Variants in SUSD3 observed in about 807,000 individuals in gnomAD.
SUSD3 encodes sushi domain containing 3, also known as sushi domain-containing protein 3.
Under a neutral mutation model 20.6 loss-of-function variants are expected in SUSD3, and 18 were observed. The ratio of observed to expected loss-of-function variants is 0.87; its 90% confidence interval spans 0.60 to 1.30. SUSD3 has a LOEUF of 1.30. SUSD3 is among the 50% of genes most tolerant of loss of function. SUSD3 has a pLI of 0.00. For synonymous variants in SUSD3, 137 were observed against 141.5 expected (o/e 0.97, Z 0.23); for missense variants, 306 against 346.9 (o/e 0.88, Z 0.94).
At chr9:93,073,500 G>A (rs368427662) in intron 1 of SUSD3, among the ~76,000 whole-genome samples, 12,863 of 152,032 alleles carry the variant, frequency 0.085, 562 homozygotes, top group South Asian at 0.11. Flanking sequence ...CGCCCGCCTC[G>A]GCCTCCCAAA....
At chr9:93,067,634 C>T (rs1048231047) in intron 1 of SUSD3, among the ~76,000 whole-genome samples, 1 of 149,380 alleles carries the variant, frequency 6.7e-6, no homozygotes, top group Non-Finnish European at 1.5e-5. Flanking sequence ...AAGTCTTGCT[C>T]TGTCCCAGGC....
intron 4 of SUSD3, among the ~76,000 whole-genome samples, chr9:93,080,788 A>T (rs928536586): frequency 1.3e-5 from 2 of 152,236 alleles, no homozygotes; most frequent in Admixed American, 6.5e-5. Flanking sequence ...TGCCTTGGGC[A>T]TTACAGAATG....
At chr9:93,066,174 A>G (rs1309099465) in intron 1 of SUSD3, among the ~76,000 whole-genome samples, 2 of 152,114 alleles carry the variant, frequency 1.3e-5, no homozygotes, top group African/African-American at 4.8e-5. Context: ...AGCCTCCTCA[A>G]TCTGAAGGGC....
chr9:93,067,789 A>T (rs920437137), intron 1 of SUSD3, among the ~76,000 whole-genome samples: 4 of 151,924 alleles, frequency 2.6e-5, no homozygotes, highest in Admixed American at 2.6e-4. Flanking sequence ...GTCGAGACAG[A>T]GTTTCACCCT....
At chr9:93,077,789 G>A in intron 2 of SUSD3, 57 bp from the exon 3 acceptor site, 2 of 1,606,618 alleles carry the variant, frequency 1.2e-6, no homozygotes, top group South Asian at 1.1e-5. Flanking sequence ...CCCAACCCCT[G>A]GGCCAAGCAA....
chr9:93,070,149 AG>A (rs1322061927), intron 1 of SUSD3, among the ~76,000 whole-genome samples: 3 of 152,194 alleles, frequency 2.0e-5, no homozygotes, highest in African/African-American at 7.2e-5. Flanking sequence ...TTAATATATA[AG>A]TGCTGTTTAT....
chr9:93,075,736 G>GTCCCCCCCCCCCCCCCCCCC, intron 1 of SUSD3, 48 bp from the exon 2 acceptor site: 1 of 272,216 alleles, frequency 3.7e-6, no homozygotes, highest in Non-Finnish European at 6.2e-6. Flanking sequence ...TGCCCTGCGT[G>GTCCCCCCCCCCCCCCCCCCC]CCCACCCCCC....
intron 1 of SUSD3, among the ~76,000 whole-genome samples, chr9:93,073,576 A>G (rs1826000093): frequency 6.6e-6 from 1 of 152,156 alleles, no homozygotes; most frequent in Admixed American, 6.5e-5. Flanking sequence ...GTGATGCACC[A>G]GCGGTCCACT....
chr9:93,083,362 C>A (rs1178807817), intron 4 of SUSD3, among the ~76,000 whole-genome samples: 2 of 152,238 alleles, frequency 1.3e-5, no homozygotes, highest in African/African-American at 4.8e-5. Flanking sequence ...GGGCCCCGGG[C>A]TCCCAGGCAG....
rs374968966 is a variant in SUSD3 at position 93,079,429 on chromosome 9, C to T, written c.426-42C>T. On this transcript the variant is annotated intron_variant, in intron 3 of 4. Coordinates refer to ENST00000375472, the MANE Select transcript of SUSD3 (RefSeq NM_145006.4). ...CCTGTTTCCACCACCGTCAGGGATA[C>T]ACCTGCATGCTCAGAGTCCTTCCTC... The T allele has an allele frequency of 5.0e-6, 8 of 1,607,740 alleles. No individual in the cohort carries two copies. In the African/African-American group the frequency reaches 8.0e-5, roughly 16 times the overall value.
chr9:93,060,059 A>G (rs1825446321), intron 1 of SUSD3, among the ~76,000 whole-genome samples: 1 of 152,248 alleles, frequency 6.6e-6, no homozygotes, highest in South Asian at 2.1e-4. Context: ...CCCTTTGGAT[A>G]GCCTTGACTT....
chr9:93,079,613 G>C lies in SUSD3; in HGVS notation c.557+11G>C. ...CCACAGCTTCACCACGTGAGCCCGG[G>C]TCTGGGTAGGGGACATGCTGGGGGA... On this transcript the variant is annotated intron_variant, in intron 4 of 4. Transcript: ENST00000375472. 6.2e-7 allele frequency: 1 copy of C among 1,613,186 alleles called. No homozygotes were observed. Among genetic ancestry groups the C allele is most frequent in the Non-Finnish European group, 8.5e-7 (1 of 1,179,806 alleles).
chr9:93,080,614 C>T (rs1449229491), intron 4 of SUSD3, among the ~76,000 whole-genome samples: 1 of 152,192 alleles, frequency 6.6e-6, no homozygotes, highest in Non-Finnish European at 1.5e-5. Context: ...GCCAGGCTGC[C>T]CCCACGGGCC....
intron 1 of SUSD3, among the ~76,000 whole-genome samples, chr9:93,074,407 G>A (rs1338957389): frequency 1.4e-5 from 2 of 144,640 alleles, no homozygotes; most frequent in South Asian, 2.2e-4. Context: ...ACTCCAGCCT[G>A]GGCGACAGGG....
chr9:93,067,336 T>A (rs1825754439), intron 1 of SUSD3, among the ~76,000 whole-genome samples: 1 of 152,236 alleles, frequency 6.6e-6, no homozygotes, highest in African/African-American at 2.4e-5. Flanking sequence ...TTGACAGACA[T>A]TTAGGTGTTT....
chr9:93,076,058 C>T (rs1447047159), intron 2 of SUSD3, 86 bp downstream of exon 2: 10 of 1,214,222 alleles, frequency 8.2e-6, no homozygotes, highest in African/African-American at 7.6e-5. Flanking sequence ...GTGGGGATGG[C>T]GTGGGTGTCT....
intron 1 of SUSD3, among the ~76,000 whole-genome samples, chr9:93,066,763 C>T (rs187164200): frequency 1.2e-4 from 18 of 151,968 alleles, no homozygotes; most frequent in Admixed American, 1.0e-3. Flanking sequence ...GGCTGGAGTG[C>T]AGTGGCACAA....
At chr9:93,072,528 C>T (rs905149717) in intron 1 of SUSD3, among the ~76,000 whole-genome samples, 4 of 152,202 alleles carry the variant, frequency 2.6e-5, no homozygotes, top group Non-Finnish European at 5.9e-5. Flanking sequence ...TGCTGATGCC[C>T]ATTAATAGCC....
intron 1 of SUSD3, among the ~76,000 whole-genome samples, chr9:93,062,305 A>G (rs1825541532): frequency 6.6e-6 from 1 of 152,124 alleles, no homozygotes; most frequent in Admixed American, 6.5e-5. Flanking sequence ...GTGTGTTTTT[A>G]TTTTGTATCT....
Sources: allele counts gnomAD v4.1 joint callset (sites outside exome capture counted in the v4.1 genomes callset), GRCh38; gene constraint gnomAD v4.1.1; transcripts MANE v1.5; gene names NCBI Gene and HGNC (gene_info 2026-07-23, HGNC 2026-07-21).